Variants in NBPF9 observed in about 807,000 individuals in gnomAD.
The protein encoded by NBPF9 is NBPF family member NBPF9.
A neutral mutation model predicts 97.8 loss-of-function variants in NBPF9; 91 were observed. That is an observed-to-expected ratio of 0.93 (90% CI 0.79 to 1.11). The LOEUF is 1.11. Ranked by LOEUF, NBPF9 falls within the 50% of genes least tolerant of loss-of-function variation. The pLI, the probability that NBPF9 is intolerant of heterozygous loss-of-function variation, is 0.00. For missense variants in NBPF9, 992 were observed against 939.5 expected, an observed-to-expected ratio of 1.06 and a Z score of -0.73; for synonymous variants, 334 against 359.5, an observed-to-expected ratio of 0.93 and a Z score of 0.80.
At chr1:149,067,922 C>A (rs1387036304) in intron 17 of NBPF9, among the ~76,000 whole-genome samples, 1 of 145,450 alleles carries the variant, frequency 6.9e-6, no homozygotes, top group Non-Finnish European at 1.5e-5. Flanking sequence ...TTTACAGTCC[C>A]ACCAACAGTG....
intron 5 of NBPF9, among the ~76,000 whole-genome samples, chr1:149,087,032 A>G (rs1185886602): frequency 6.6e-6 from 1 of 151,902 alleles, no homozygotes; most frequent in Non-Finnish European, 1.5e-5. Context: ...CCTCACCAAC[A>G]GGTGCTATTT....
chr1:149,102,836 C>A (rs1553663586), exon 2 of NBPF9: 1 of 151,950 alleles, frequency 6.6e-6, no homozygotes, highest in East Asian at 1.9e-4. Flanking sequence ...ACCCGGCTTG[C>A]CCATCACCAG....
intron 5 of NBPF9, among the ~76,000 whole-genome samples, chr1:149,084,633 G>A (rs147872629): frequency 6.6e-6 from 1 of 151,120 alleles, no homozygotes; most frequent in Non-Finnish European, 1.5e-5. Flanking sequence ...GCCTCGTGGC[G>A]GACGGGACCT....
exon 13 of NBPF9, chr1:149,073,822 C>T (rs1286051537): frequency 3.2e-5 from 49 of 1,514,758 alleles, no homozygotes; most frequent in South Asian, 2.7e-4. Context: ...CTTGAACTGT[C>T]GCTCATTCCT....
At chr1:149,082,091 T>A in exon 7 of NBPF9, 1 of 1,610,350 alleles carries the variant, frequency 6.2e-7, no homozygotes, top group Non-Finnish European at 8.5e-7. Context: ...ATTTCTAGAA[T>A]GTTCATCTCT....
intron 5 of NBPF9, among the ~76,000 whole-genome samples, chr1:149,085,613 A>T: frequency 6.6e-6 from 1 of 151,984 alleles, no homozygotes; most frequent in East Asian, 1.9e-4. Context: ...TTTCTCACCA[A>T]TTGCTTTTAG....
chr1:149,070,996 T>A, exon 16 of NBPF9: 1 of 1,612,176 alleles, frequency 6.2e-7, no homozygotes, highest in Non-Finnish European at 8.5e-7. Flanking sequence ...GAGAGTTGAG[T>A]CGACTTTGTC....
intron 5 of NBPF9, among the ~76,000 whole-genome samples, chr1:149,087,882 G>T (rs1429672364): frequency 7.0e-6 from 1 of 142,428 alleles, no homozygotes; most frequent in East Asian, 2.5e-4. Context: ...ACCCAGGCTG[G>T]AGTGCAGTGA....
At chr1:149,080,434 A>G (rs2080325155) in intron 7 of NBPF9, among the ~76,000 whole-genome samples, 1 of 151,124 alleles carries the variant, frequency 6.6e-6, no homozygotes. Context: ...ACAGCCCCTG[A>G]GGTCTGACTC....
chr1:149,061,746 C>T, intron 22 of NBPF9: 1 of 266,498 alleles, frequency 3.8e-6, no homozygotes, highest in Non-Finnish European at 6.8e-6. Context: ...TTCATGGATG[C>T]AAGAATTTTA....
chr1:149,053,728 T>C (rs2078037648), downstream of NBPF9, among the ~76,000 whole-genome samples: 1 of 134,050 alleles, frequency 7.5e-6, no homozygotes, highest in South Asian at 2.7e-4. Flanking sequence ...TGTAATTGAC[T>C]GTTGTATGGA....
chr1:149,055,656 T>A (rs78667364), exon 30 of NBPF9: 2 of 1,611,868 alleles, frequency 1.2e-6, no homozygotes, highest in South Asian at 2.2e-5. Context: ...TAAGGGCTGC[T>A]TATTGTGGGA....
At chr1:149,073,012 A>C in intron 13 of NBPF9, 80 bp from the exon 14 acceptor site, 1 of 1,510,498 alleles carries the variant, frequency 6.6e-7, no homozygotes, top group South Asian at 1.1e-5. Flanking sequence ...AGATTTCTGA[A>C]ACAGTGTCCT....
At chr1:149,071,266 C>A (rs2079386433) in intron 15 of NBPF9, 127 bp from the exon 16 acceptor site, 1 of 1,369,128 alleles carries the variant, frequency 7.3e-7, no homozygotes, top group Admixed American at 1.8e-5. Flanking sequence ...TGGAGGTTCC[C>A]ATTAAGAGGG....
Position 149,058,172 on chromosome 1 carries a change from T to C in NBPF9, c.2802A>G (p.Pro934=), listed in dbSNP as rs1262547469. The C allele has an allele frequency of 7.2e-5, 40 of 557,906 alleles. 1 individual carries two copies. In the African/African-American group the frequency reaches 1.1e-3, roughly 15 times the overall value. 34.6% of individuals were successfully genotyped at this position (557,906 alleles called of 1,614,324 possible). ...CACAATTGCTCAGTTACCTGGGGCA[T>C]GGTGGGCCTTGGTCTTCTTCCTCTT... The change falls in exon 27 of 30, where the codon CCA becomes CCG. Residue 934 remains proline, a synonymous_variant. Coordinates refer to ENST00000584027, the Ensembl canonical transcript of NBPF9.
intron 3 of NBPF9, 73 bp downstream of exon 3, chr1:149,101,189 C>G (rs2082124474): frequency 6.6e-6 from 1 of 151,610 alleles, no homozygotes; most frequent in Admixed American, 6.6e-5. Flanking sequence ...GAATTCCAGA[C>G]CAGCCTATGC....
chr1:149,090,778 C>A (rs1257576219), exon 5 of NBPF9: 4 of 546,700 alleles, frequency 7.3e-6, no homozygotes, highest in Non-Finnish European at 1.3e-5. Context: ...CACATTTGAT[C>A]CCAACTGGCG....
chr1:149,071,132 G>C (rs782177601), exon 16 of NBPF9: 14 of 1,569,948 alleles, frequency 8.9e-6, no homozygotes, highest in Non-Finnish European at 1.1e-5. Flanking sequence ...TCAGCCTTCT[G>C]CATCTCCCTG....
chr1:149,084,435 T>C (rs1449488271), intron 5 of NBPF9, among the ~76,000 whole-genome samples: 2 of 147,312 alleles, frequency 1.4e-5, no homozygotes, highest in African/African-American at 5.0e-5. Context: ...ATATTATATA[T>C]ATATATATTT....
Sources: gnomAD v4.1 joint callset for allele counts (sites outside exome capture counted in the v4.1 genomes callset) on GRCh38, gnomAD v4.1.1 for gene constraint, MANE v1.5 for transcripts, NCBI Gene and HGNC (gene_info 2026-07-23, HGNC 2026-07-21) for gene names.